The following TTLL11 variants were observed in gnomAD, a reference collection of about 807,000 sequenced individuals.
The protein encoded by TTLL11 is tubulin polyglutamylase TTLL11.
Under a neutral mutation model 51.7 loss-of-function variants are expected in TTLL11, and 42 were observed. The observed-to-expected ratio is 0.81, with a 90% CI of 0.64 to 1.05. The LOEUF (loss-of-function observed/expected upper bound fraction) is 1.05, where lower values mean the gene tolerates loss of function less well. Ranked by LOEUF, TTLL11 falls within the 50% of genes least tolerant of loss-of-function variation. The probability of loss-of-function intolerance (pLI) is 0.00; values close to 1 mark genes in which losing one functional copy is unlikely to be tolerated. For synonymous variants in TTLL11, 381 were observed against 383.5 expected, an observed-to-expected ratio of 0.99 and a Z score of 0.08; for missense variants, 799 against 940.4, an observed-to-expected ratio of 0.85 and a Z score of 1.97.
intron 3 of TTLL11, among the ~76,000 whole-genome samples, chr9:121,999,492 C>A (rs904700672): frequency 6.6e-6 from 1 of 152,182 alleles, no homozygotes; most frequent in African/African-American, 2.4e-5. Context: ...CACTCACCCC[C>A]ACCCAGTCAT....
intron 1 of TTLL11, among the ~76,000 whole-genome samples, chr9:122,059,024 A>C (rs191766279): frequency 6.6e-6 from 1 of 152,054 alleles, no homozygotes; most frequent in East Asian, 1.9e-4. Flanking sequence ...GCACTCTGGG[A>C]CTGGCTTACA....
rs1179216030 is a variant in TTLL11 at position 121,822,468 on chromosome 9, G to A, written c.*119C>T. On this transcript the variant is annotated 3_prime_UTR_variant, in exon 9 of 9. Coordinates refer to ENST00000321582, the MANE Select transcript of TTLL11 (RefSeq NM_001139442.2). The surrounding 1 kb of genome is among the most constrained non-coding windows in gnomAD (Gnocchi z 5.8). The stretch of plus-strand genomic sequence containing the variant: ...AGCCGCACACAGAGACAGTTCGTGG[G>A]GACCTCAGCTGGGCCCCTCGGCAGC... 14 of 979,324 alleles carry A rather than the reference G, an allele frequency of 1.4e-5. No individual in the cohort carries two copies. The highest frequency in any genetic ancestry group is 1.9e-5 in the Non-Finnish European group (13 of 695,514). The allele number at this position is 979,324 out of a possible 1,614,324, so 60.7% of individuals were successfully genotyped here. A position where few individuals can be genotyped will look rare whatever the true frequency, so the allele number is the denominator to read the frequency against.
chr9:121,910,185 A>C (rs1490624181), intron 6 of TTLL11, among the ~76,000 whole-genome samples: 1 of 152,220 alleles, frequency 6.6e-6, no homozygotes, highest in African/African-American at 2.4e-5. Context: ...GACACAAGGG[A>C]GAAGAGCAGC....
Position 122,093,176 on chromosome 9 carries a change from TGCCACC to T in TTLL11, c.-34_-29del, listed in dbSNP as rs899951121. ...TGCTCAGGGCCGGGGCCAGTGCCAG[TGCCACC>T]GCCGCCGCCGCCGCCGCTCCGCCGC... On this transcript the variant is annotated 5_prime_UTR_variant, in exon 1 of 9. Transcript: ENST00000321582. The T allele has an allele frequency of 2.0e-6, 3 of 1,492,304 alleles. No individual in the cohort carries two copies. Among genetic ancestry groups the T allele is most frequent in the South Asian group, 1.3e-5 (1 of 79,866 alleles). The allele number at this position is 1,492,304 out of a possible 1,614,324, so 92.4% of individuals were successfully genotyped here.
chr9:121,859,265 C>T (rs1030444736), intron 8 of TTLL11, among the ~76,000 whole-genome samples: 1 of 151,260 alleles, frequency 6.6e-6, no homozygotes, highest in Non-Finnish European at 1.5e-5. Context: ...TCAAGACAGG[C>T]GGATCACTTG....
chr9:121,953,403 C>T (rs1303143954), intron 6 of TTLL11, among the ~76,000 whole-genome samples: 2 of 151,954 alleles, frequency 1.3e-5, no homozygotes, highest in Admixed American at 1.3e-4. Flanking sequence ...GTGGCTGAGG[C>T]GGGCGGATCA....
At chr9:121,948,364 C>A (rs1841741944) in intron 6 of TTLL11, among the ~76,000 whole-genome samples, 1 of 152,186 alleles carries the variant, frequency 6.6e-6, no homozygotes, top group South Asian at 2.1e-4. Flanking sequence ...GAAAACTAAC[C>A]ATGAACCTCA....
chr9:121,886,579 C>A (rs975049345), intron 6 of TTLL11, among the ~76,000 whole-genome samples: 1 of 152,220 alleles, frequency 6.6e-6, no homozygotes, highest in South Asian at 2.1e-4. Context: ...GGACACCCTG[C>A]TCTCAGACTT....
chr9:121,899,794 T>C (rs547237663), intron 6 of TTLL11, among the ~76,000 whole-genome samples: 1 of 152,352 alleles, frequency 6.6e-6, no homozygotes, highest in Admixed American at 6.5e-5. Flanking sequence ...ATTTGGGTTT[T>C]TGTCTGTTTC....
In TTLL11 at chr9:121,870,724, G is replaced by A. The variant is rs374659725; in HGVS notation, c.1506C>T (p.Phe502=). 24 of 1,548,546 alleles carry A rather than the reference G, an allele frequency of 1.5e-5. No homozygotes were observed. Among genetic ancestry groups the A allele is most frequent in the South Asian group, 3.6e-5 (3 of 83,822 alleles). ...CGTCCAAAGCATCTTCCTTTCCAGC[G>A]AATGGTTTTTCAAGCTGCTGAGACC... ...ENQSQQLEKP[F]AGKEDALDGE... is the part of the protein sequence containing the mutation. Residue 502 remains phenylalanine, a synonymous_variant, in exon 7 of 9, where the codon TTC becomes TTT. Transcript: ENST00000321582.
intron 8 of TTLL11, among the ~76,000 whole-genome samples, chr9:121,829,749 T>C (rs540498217): frequency 4.6e-4 from 69 of 150,970 alleles, no homozygotes; most frequent in African/African-American, 1.7e-3. Context: ...AGATAATGCA[T>C]GCTCGTTGTT....
At chr9:121,854,040 G>A (rs77570759) in intron 8 of TTLL11, among the ~76,000 whole-genome samples, 12 of 152,150 alleles carry the variant, frequency 7.9e-5, no homozygotes, top group African/African-American at 2.9e-4. Flanking sequence ...TCCATCCCAA[G>A]GTTTCCAGGA....
intron 3 of TTLL11, among the ~76,000 whole-genome samples, chr9:122,008,241 T>C (rs548719576): frequency 6.6e-6 from 1 of 152,336 alleles, no homozygotes; most frequent in African/African-American, 2.4e-5. Flanking sequence ...CTATACATTA[T>C]TTGGATAATT....
chr9:122,086,300 T>C (rs918793258), intron 1 of TTLL11, among the ~76,000 whole-genome samples: 1 of 152,168 alleles, frequency 6.6e-6, no homozygotes, highest in Non-Finnish European at 1.5e-5. Flanking sequence ...ATAACAATGG[T>C]AGTGAATTGT....
chr9:121,891,971 T>TTA (rs956162942), intron 6 of TTLL11, among the ~76,000 whole-genome samples: 9 of 144,948 alleles, frequency 6.2e-5, no homozygotes, highest in East Asian at 2.0e-4. Flanking sequence ...TATATATATC[T>TTA]TATATATCTC....
At chr9:121,862,063 T>A (rs1440338933) in intron 7 of TTLL11, among the ~76,000 whole-genome samples, 1 of 152,130 alleles carries the variant, frequency 6.6e-6, no homozygotes, top group East Asian at 1.9e-4. Flanking sequence ...GATGCTCCAC[T>A]TGTTTAGGTG....
At chr9:122,047,051 G>A (rs1845026982) in intron 1 of TTLL11, among the ~76,000 whole-genome samples, 1 of 152,178 alleles carries the variant, frequency 6.6e-6, no homozygotes, top group Admixed American at 6.5e-5. Flanking sequence ...AACCATGGTA[G>A]GGGCTGTGGA....
rs149854495 is a variant in TTLL11 at position 121,910,217 on chromosome 9, T to A, written c.1482-39469A>T. Among the ~76,000 whole-genome samples, 669 of 152,298 alleles carry A rather than the reference T, an allele frequency of 4.4e-3. 4 individuals are homozygous for A. Among genetic ancestry groups the A allele is most frequent in the African/African-American group, 0.015 (636 of 41,566 alleles). ...CAGCAATAGGTGTCCTGGGGAAAAT[T>A]AATCTCTTTGGGTTTTGCAAATGAC... On this transcript the variant is annotated intron_variant, in intron 6 of 8. Coordinates refer to ENST00000321582, the MANE Select transcript of TTLL11 (RefSeq NM_001139442.2).
chr9:122,006,225 C>T lies in TTLL11; in HGVS notation c.694-16455G>A, dbSNP rs377484352. The stretch of plus-strand genomic sequence containing the variant: ...GCATGGTGGCGGGTGCCTGAAATCC[C>T]AACTACTCAGGAGGCTGAAGCAGAA... On this transcript the variant is annotated intron_variant, in intron 3 of 8. Transcript: ENST00000321582. Among the ~76,000 whole-genome samples the T allele has an allele frequency of 5.9e-5, 9 of 151,938 alleles. No homozygotes were observed. In the East Asian group the frequency reaches 1.4e-3, roughly 23 times the overall value.
Sources: gnomAD v4.1 joint callset for allele counts (sites outside exome capture counted in the v4.1 genomes callset) on GRCh38, gnomAD v4.1.1 for gene constraint, Gnocchi (gnomAD v3.1) non-coding constraint, MANE v1.5 for transcripts, NCBI Gene and HGNC (gene_info 2026-07-23, HGNC 2026-07-21) for gene names.